GRID2: variants seen among roughly 807,000 people sequenced by gnomAD.
The protein encoded by GRID2 is glutamate ionotropic receptor delta type subunit 2.
A neutral mutation model predicts 114.8 loss-of-function variants in GRID2; 33 were observed. The observed-to-expected ratio is 0.29, with a 90% CI of 0.22 to 0.38. The LOEUF (loss-of-function observed/expected upper bound fraction) is 0.38. GRID2 is among the 10% of genes least tolerant of loss of function. The pLI, the probability that GRID2 is intolerant of heterozygous loss-of-function variation, is 1.00. For missense variants in GRID2, 1,184 were observed against 1,257.7 expected (o/e 0.94, Z 0.89); for synonymous variants, 505 against 449.9 (o/e 1.12, Z -1.55).
chr4:92,708,580 T>G, intron 2 of GRID2, among the ~76,000 whole-genome samples: 1 of 152,326 alleles, frequency 6.6e-6, no homozygotes, highest in East Asian at 1.9e-4. Flanking sequence ...AAATTGTGTC[T>G]AATTTTTTTG....
In GRID2 at chr4:93,774,275, G is replaced by GTTTT. The variant is rs1734294578; in HGVS notation, c.*1777_*1778insTTTT. On this transcript the variant is annotated 3_prime_UTR_variant, in exon 16 of 16. Coordinates refer to ENST00000282020, the MANE Select transcript of GRID2 (RefSeq NM_001510.4). The stretch of plus-strand genomic sequence containing the variant: ...CAGGGTAACAAGTAACTAAGTGCAT[G>GTTTT]CACAACTTGTTTTCCCTTGTAACAT... 2.0e-5 allele frequency: 3 copies of GTTTT among 151,948 alleles called. No homozygotes were observed. The highest frequency in any genetic ancestry group is 4.4e-5 in the Non-Finnish European group (3 of 67,924). 9.4% of individuals were successfully genotyped at this position (151,948 alleles called of 1,614,324 possible).
intron 2 of GRID2, among the ~76,000 whole-genome samples, chr4:93,035,396 G>T (rs539536877): frequency 6.6e-6 from 1 of 152,268 alleles, no homozygotes; most frequent in Admixed American, 6.5e-5. Flanking sequence ...TTGCAGGTGT[G>T]ATCCACTGCA....
At chr4:93,450,574 G>GCT (rs1403364837) in intron 10 of GRID2, among the ~76,000 whole-genome samples, 2 of 151,662 alleles carry the variant, frequency 1.3e-5, no homozygotes, top group East Asian at 3.9e-4. Context: ...ATTTCAATTT[G>GCT]TCTAAGCTTC....
chr4:93,036,535 C>G, intron 2 of GRID2, among the ~76,000 whole-genome samples: 1 of 152,104 alleles, frequency 6.6e-6, no homozygotes, highest in South Asian at 2.1e-4. Context: ...ATAATAATGG[C>G]TTTCAGAGAA....
chr4:92,387,229 A>AG (rs991118938), intron 1 of GRID2, among the ~76,000 whole-genome samples: 13 of 151,912 alleles, frequency 8.6e-5, no homozygotes, highest in African/African-American at 2.9e-4. Flanking sequence ...GAAAAGGCAG[A>AG]GAAAAAAAAA....
At chr4:93,272,408 G>C (rs1290646287) in intron 8 of GRID2, among the ~76,000 whole-genome samples, 1 of 152,206 alleles carries the variant, frequency 6.6e-6, no homozygotes, top group Non-Finnish European at 1.5e-5. Flanking sequence ...GAGCTGGGCT[G>C]AGCAGAAGGG....
intron 2 of GRID2, among the ~76,000 whole-genome samples, chr4:93,024,905 GA>G (rs35541865): frequency 6.6e-6 from 1 of 151,520 alleles, no homozygotes; most frequent in Non-Finnish European, 1.5e-5. Context: ...AGAAAGAGGA[GA>G]AAAAAGAGAA....
chr4:92,569,223 C>G (rs1727493382), intron 1 of GRID2, among the ~76,000 whole-genome samples: 1 of 151,792 alleles, frequency 6.6e-6, no homozygotes, highest in Non-Finnish European at 1.5e-5. Context: ...AAAGGTGGCA[C>G]TTGGTTCTCT....
Position 93,321,174 on chromosome 4 carries a change from C to T in GRID2, c.1246-74433C>T, listed in dbSNP as rs1031723934. Among the ~76,000 whole-genome samples, 11 of 152,142 alleles carry T rather than the reference C, an allele frequency of 7.2e-5. No homozygotes were observed. In the East Asian group the frequency reaches 7.7e-4, roughly 11 times the overall value. On this transcript the variant is annotated intron_variant, in intron 8 of 15. Transcript: ENST00000282020. ...ATGTCCACTGAGAGCCATCGTCACA[C>T]GGAATTCTTGGCAGCTGGGAGAATA...
chr4:93,198,402 G>C (rs2149456621), intron 4 of GRID2, among the ~76,000 whole-genome samples: 1 of 152,250 alleles, frequency 6.6e-6, no homozygotes, highest in South Asian at 2.1e-4. Flanking sequence ...ATGAAATGAA[G>C]GAGGGAGCTA....
intron 2 of GRID2, among the ~76,000 whole-genome samples, chr4:92,953,832 A>G (rs1157639913): frequency 2.6e-5 from 4 of 152,126 alleles, no homozygotes; most frequent in Admixed American, 6.6e-5. Flanking sequence ...ATATTTCACA[A>G]TTTTTTAAAC....
At chr4:92,554,321 CAA>C (rs1726746250) in intron 1 of GRID2, among the ~76,000 whole-genome samples, 3 of 152,180 alleles carry the variant, frequency 2.0e-5, no homozygotes, top group South Asian at 4.1e-4. Flanking sequence ...TAGAAAATAA[CAA>C]AGAATCTGTT....
chr4:92,658,808 TATATATATATAC>T (rs1291566758), intron 2 of GRID2, among the ~76,000 whole-genome samples: 14 of 131,636 alleles, frequency 1.1e-4, no homozygotes, highest in Admixed American at 3.8e-4. Flanking sequence ...TATATATATA[TATATATATATAC>T]ACACACACAA....
intron 11 of GRID2, among the ~76,000 whole-genome samples, chr4:93,467,205 G>T (rs997638380): frequency 3.9e-5 from 6 of 152,094 alleles, no homozygotes; most frequent in Admixed American, 3.3e-4. Flanking sequence ...GCAAAAGTTG[G>T]TTCTGGATTT....
intron 2 of GRID2, among the ~76,000 whole-genome samples, chr4:92,824,530 C>T (rs900993147): frequency 6.6e-6 from 1 of 151,922 alleles, no homozygotes; most frequent in East Asian, 1.9e-4. Flanking sequence ...TGAAAATAAA[C>T]TTTTATTATT....
intron 2 of GRID2, among the ~76,000 whole-genome samples, chr4:93,060,114 G>T (rs951101843): frequency 6.6e-6 from 1 of 151,920 alleles, no homozygotes; most frequent in Non-Finnish European, 1.5e-5. Context: ...GTTTGCTTTG[G>T]CATGAAATGC....
At chr4:92,534,822 T>C (rs1246831100) in intron 1 of GRID2, among the ~76,000 whole-genome samples, 1 of 152,136 alleles carries the variant, frequency 6.6e-6, no homozygotes, top group Non-Finnish European at 1.5e-5. Flanking sequence ...AAGACGTTAA[T>C]ATTATGAGTG....
intron 8 of GRID2, among the ~76,000 whole-genome samples, chr4:93,278,480 G>A (rs1484049892): frequency 1.3e-5 from 2 of 151,878 alleles, no homozygotes; most frequent in Non-Finnish European, 2.9e-5. Context: ...TGCTAGGGAA[G>A]GCTAATGCCG....
At chr4:92,920,005 G>A (rs1314113747) in intron 2 of GRID2, among the ~76,000 whole-genome samples, 7 of 151,922 alleles carry the variant, frequency 4.6e-5, no homozygotes, top group African/African-American at 1.4e-4. Context: ...TAGGTCCAAG[G>A]ACTTGCTTTA....
Sources: allele counts gnomAD v4.1 joint callset (sites outside exome capture counted in the v4.1 genomes callset), GRCh38; gene constraint gnomAD v4.1.1; transcripts MANE v1.5; gene names NCBI Gene and HGNC (gene_info 2026-07-23, HGNC 2026-07-21).